U2SURP: variants seen among roughly 807,000 people sequenced by gnomAD.
The protein encoded by U2SURP is U2 snRNP associated SURP domain containing, also known as U2 snRNP-associated SURP motif-containing protein.
Under a neutral mutation model 144.9 loss-of-function variants are expected in U2SURP, and 9 were observed. The observed-to-expected ratio is 0.06, with a 90% CI of 0.04 to 0.11. The LOEUF is 0.11. Among genes scored for constraint, U2SURP ranks in the 10% least tolerant of loss-of-function variants. The pLI is 1.00. For synonymous variants in U2SURP, 408 were observed against 396.8 expected, an observed-to-expected ratio of 1.03 and a Z score of -0.33; for missense variants, 724 against 1,226.7, an observed-to-expected ratio of 0.59 and a Z score of 6.12.
At chr3:143,032,994 G>A (rs1464942758) in intron 17 of U2SURP, 48 bp downstream of exon 17, 5 of 1,576,166 alleles carry the variant, frequency 3.2e-6, no homozygotes, top group Non-Finnish European at 4.3e-6. Flanking sequence ...ACGTCTTTTG[G>A]GATTAGAATT....
intron 1 of U2SURP, among the ~76,000 whole-genome samples, chr3:143,005,141 C>CT (rs71153997): frequency 0.022 from 3,032 of 136,794 alleles, 38 homozygotes; most frequent in Middle Eastern, 0.039. Flanking sequence ...GTGACTATGG[C>CT]TTTTTTTTTT....
Position 143,043,260 on chromosome 3 carries a change from A to G in U2SURP, c.2528A>G (p.Lys843Arg), listed in dbSNP as rs1455729959. The G allele has an allele frequency of 1.9e-6, 3 of 1,599,394 alleles. No individual in the cohort carries two copies. Among genetic ancestry groups the G allele is most frequent in the South Asian group, 2.3e-5 (2 of 88,416 alleles). ...YSEMSEEKRAKLREIELKVMK... is the reference protein window; with the variant it reads ...YSEMSEEKRARLREIELKVMK... ...GAAATGAGTGAGGAAAAACGAGCCAAACTTCGTGAAATTGAGGTTGGTGTT... is the reference window on the plus strand; with the variant it reads ...GAAATGAGTGAGGAAAAACGAGCCAGACTTCGTGAAATTGAGGTTGGTGTT... Residue 843 changes from lysine to arginine, a missense_variant, in exon 24 of 28, where the codon AAA becomes AGA. Lys to Arg is a conservative substitution (Grantham distance 26). This residue lies in a region of U2SURP where 18 missense variants were observed against 48.8 expected (regional missense o/e 0.37). Coordinates refer to ENST00000473835, the MANE Select transcript of U2SURP (RefSeq NM_001080415.2).
At chr3:143,016,185 T>C in intron 4 of U2SURP, 72 bp from the exon 5 acceptor site, 2 of 1,365,292 alleles carry the variant, frequency 1.5e-6, no homozygotes, top group Middle Eastern at 1.8e-4. Flanking sequence ...ATATTATTCC[T>C]TGATGAATTT....
At chr3:143,003,188 AAATT>A (rs1446712546) in intron 1 of U2SURP, among the ~76,000 whole-genome samples, 28 of 152,220 alleles carry the variant, frequency 1.8e-4, no homozygotes, top group Admixed American at 1.8e-3. Flanking sequence ...CTCAATAAAT[AAATT>A]ATTGGATTAT....
chr3:143,007,628 A>C (rs1935913321), intron 1 of U2SURP, among the ~76,000 whole-genome samples: 1 of 151,872 alleles, frequency 6.6e-6, no homozygotes, highest in Admixed American at 6.6e-5. Flanking sequence ...TTTTTAGTAG[A>C]GACGGGATTT....
intron 21 of U2SURP, 113 bp from the exon 22 acceptor site, chr3:143,037,995 C>T: frequency 1.6e-6 from 1 of 620,568 alleles, no homozygotes; most frequent in Non-Finnish European, 2.6e-6. Context: ...ACTATTTGTC[C>T]ATCTGTGTCC....
At chr3:143,020,550 A>T in intron 7 of U2SURP, 49 bp from the exon 8 acceptor site, 1 of 1,300,922 alleles carries the variant, frequency 7.7e-7, no homozygotes. Context: ...CTGAAATGTG[A>T]ATGAACAAAT....
intron 27 of U2SURP, 93 bp from the exon 28 acceptor site, chr3:143,056,219 C>T: frequency 7.5e-7 from 1 of 1,325,132 alleles, no homozygotes; most frequent in Non-Finnish European, 1.0e-6. Context: ...TTTCACTGTG[C>T]CCTGTTAAAG....
At chr3:143,002,110 G>A (rs768264925) in intron 1 of U2SURP, 2 of 238,458 alleles carry the variant, frequency 8.4e-6, no homozygotes, top group Non-Finnish European at 1.7e-5. Context: ...GCCTCCCTCA[G>A]TTTCCCTCCA....
intron 16 of U2SURP, among the ~76,000 whole-genome samples, chr3:143,029,102 T>C (rs1933325439): frequency 6.6e-6 from 1 of 152,214 alleles, no homozygotes; most frequent in African/African-American, 2.4e-5. Flanking sequence ...GAAGTATGTG[T>C]TGTTATTAGT....
intron 9 of U2SURP, 34 bp from the exon 10 acceptor site, chr3:143,021,439 G>C (rs1936629595): frequency 6.2e-7 from 1 of 1,610,996 alleles, no homozygotes; most frequent in Admixed American, 1.7e-5. Context: ...TTTATGTTTT[G>C]CAGGTTATAA....
At chr3:143,023,692 T>C (rs923253742) in intron 12 of U2SURP, among the ~76,000 whole-genome samples, 1 of 152,206 alleles carries the variant, frequency 6.6e-6, no homozygotes, top group Non-Finnish European at 1.5e-5. Flanking sequence ...ATTAAAATCT[T>C]TATCTGATAA....
chr3:143,028,519 C>T lies in U2SURP; in HGVS notation c.1483C>T (p.Arg495Cys), dbSNP rs781698820. Reference sequence around the variant, plus strand: ...AACTAAATGGCGGACGGAAGATTTTCGTATGTTCAAAAATGGATCTTTTTG... The same window carrying T: ...AACTAAATGGCGGACGGAAGATTTTTGTATGTTCAAAAATGGATCTTTTTG... ...SPTKWRTEDF[R>C]MFKNGSFWRP... The change falls in exon 16 of 28, where the codon CGT becomes TGT. Residue 495 changes from arginine to cysteine, a missense_variant. Transcript: ENST00000473835. 1.9e-6 allele frequency: 3 copies of T among 1,594,242 alleles called. No individual in the cohort carries two copies. Among genetic ancestry groups the T allele is most frequent in the East Asian group, 2.2e-5 (1 of 44,734 alleles).
chr3:143,016,995 T>C lies in U2SURP; in HGVS notation c.570+20T>C. 1 of 1,559,888 alleles carries C rather than the reference T, an allele frequency of 6.4e-7. No homozygotes were observed. The highest frequency in any genetic ancestry group is 8.6e-7 in the Non-Finnish European group (1 of 1,162,058). Reference sequence around the variant, plus strand: ...AAACCTGTAAGTCATACTTAAGTAATTGACCATTTATGTTCAGAGATGACA... The same window carrying C: ...AAACCTGTAAGTCATACTTAAGTAACTGACCATTTATGTTCAGAGATGACA... On this transcript the variant is annotated intron_variant, in intron 6 of 27. Coordinates refer to ENST00000473835, the MANE Select transcript of U2SURP (RefSeq NM_001080415.2).
intron 21 of U2SURP, among the ~76,000 whole-genome samples, chr3:143,037,653 A>T (rs541410226): frequency 1.5e-4 from 23 of 152,230 alleles, no homozygotes; most frequent in East Asian, 1.3e-3. Flanking sequence ...GTGCTCAGTT[A>T]TGCATGATCC....
Position 143,043,165 on chromosome 3 carries a change from T to G in U2SURP, c.2433T>G (p.Ser811=). The part of the protein sequence containing the change: ...EDEEDTQSSK[S]EEHHLYSNPI... ...AAGAAGATACTCAAAGTTCCAAATCTGAAGAACATCATTTGTACTCTAATC... is the reference window on the plus strand; with the variant it reads ...AAGAAGATACTCAAAGTTCCAAATCGGAAGAACATCATTTGTACTCTAATC... Residue 811 remains serine (S), a synonymous_variant, in exon 24 of 28, where the codon TCT becomes TCG. Coordinates refer to ENST00000473835, the MANE Select transcript of U2SURP (RefSeq NM_001080415.2). 1 of 1,604,524 alleles carries G rather than the reference T, an allele frequency of 6.2e-7. No individual in the cohort carries two copies. Among genetic ancestry groups the G allele is most frequent in the Non-Finnish European group, 8.5e-7 (1 of 1,175,300 alleles).
rs889854589 is a variant in U2SURP, at chr3:143,041,916, AGTTT to A, written c.2385-1194_2385-1191del. Among the ~76,000 whole-genome samples the A allele has an allele frequency of 5.3e-4, 81 of 151,892 alleles. 1 individual carries two copies. The highest frequency in any genetic ancestry group is 6.8e-3 in the Middle Eastern group (2 of 294). On this transcript the variant is annotated intron_variant, in intron 23 of 27. Transcript: ENST00000473835. The stretch of plus-strand genomic sequence containing the variant: ...TGTTTGTATATATATAAACATTCTG[AGTTT>A]GTTTGTATATGGGTATCTTGTTTTG...
In U2SURP at chr3:143,055,089, C is replaced by G; in HGVS notation, c.2921C>G (p.Ser974Cys). The G allele has an allele frequency of 6.2e-7, 1 of 1,602,704 alleles. No individual in the cohort carries two copies. The highest frequency in any genetic ancestry group is 8.5e-7 in the Non-Finnish European group (1 of 1,175,912). Reference sequence around the variant, plus strand: ...CGGTCCAGGTCATCTCACAAAGATTCTCCTAGAGATGTTAGCAAAAAAGCC... The same window carrying G: ...CGGTCCAGGTCATCTCACAAAGATTGTCCTAGAGATGTTAGCAAAAAAGCC... ...SSRSRSSHKD[S>C]PRDVSKKAKR... The change falls in exon 27 of 28, where the codon TCT becomes TGT. Residue 974 changes from serine (S) to cysteine (C), a missense_variant. Around this residue, in one of 13 missense-constraint regions of U2SURP, gnomAD observed 129 missense variants for 196.1 expected, o/e 0.66. Transcript: ENST00000473835.
chr3:143,053,560 A>AC (rs759640913), intron 25 of U2SURP, 116 bp from the exon 26 acceptor site: 17 of 769,658 alleles, frequency 2.2e-5, no homozygotes, highest in Admixed American at 6.4e-5. Flanking sequence ...ATAGTATTGT[A>AC]CCTTAAGTAG....
Sources: allele counts gnomAD v4.1 joint callset (sites outside exome capture counted in the v4.1 genomes callset), GRCh38; gene constraint gnomAD v4.1.1; regional missense constraint gnomAD v4.1.1; transcripts MANE v1.5; gene names NCBI Gene and HGNC (gene_info 2026-07-23, HGNC 2026-07-21).